BTNL8: variants seen among roughly 807,000 people sequenced by gnomAD.
The protein encoded by BTNL8 is butyrophilin like 8.
A neutral mutation model predicts 36.1 loss-of-function variants in BTNL8; 22 were observed. The observed-to-expected ratio is 0.61, with a 90% CI of 0.44 to 0.87. The LOEUF (loss-of-function observed/expected upper bound fraction) is 0.87, where lower values mean the gene tolerates loss of function less well. Ranked by LOEUF, BTNL8 falls within the 40% of genes least tolerant of loss-of-function variation. BTNL8 has a pLI of 0.00. For missense variants in BTNL8, 526 were observed against 616.9 expected, an observed-to-expected ratio of 0.85 and a Z score of 1.56; for synonymous variants, 203 against 235.6, an observed-to-expected ratio of 0.86 and a Z score of 1.27.
At chr5:180,901,868 C>A (rs552562435) in intron 1 of BTNL8, among the ~76,000 whole-genome samples, 3 of 152,172 alleles carry the variant, frequency 2.0e-5, no homozygotes, top group African/African-American at 7.2e-5. Flanking sequence ...ATAAGTCACA[C>A]GTGAACGTGC....
chr5:180,950,164 C>T lies in BTNL8; in HGVS notation c.1123C>T (p.His375Tyr). 1.4e-6 allele frequency: 2 copies of T among 1,462,916 alleles called. 1 individual carries two copies. The highest frequency in any genetic ancestry group is 1.9e-6 in the Non-Finnish European group (2 of 1,058,872). The allele number at this position is 1,462,916 out of a possible 1,614,324, so 90.6% of individuals were successfully genotyped here. A position where few individuals can be genotyped will look rare whatever the true frequency, so the allele number is the denominator to read the frequency against. The change falls in exon 8 of 8, where the codon CAT becomes TAT. Residue 375 changes from histidine (H) to tyrosine (Y), a missense_variant. By Grantham distance (83) the His-to-Tyr change is moderately conservative. Around this residue, in one of 2 missense-constraint regions of BTNL8, gnomAD observed 176 missense variants for 292.3 expected, o/e 0.60. Transcript: ENST00000340184. ...RKEYVTLSPD[H>Y]GYWVLRLNGE... Reference sequence around the variant, plus strand: ...GGAGTACGTGACTTTGTCTCCCGATCATGGGTACTGGGTCCTCAGACTGAA... The same window carrying T: ...GGAGTACGTGACTTTGTCTCCCGATTATGGGTACTGGGTCCTCAGACTGAA...
intron 3 of BTNL8, among the ~76,000 whole-genome samples, chr5:180,927,293 A>T (rs1183549802): frequency 6.6e-6 from 1 of 152,200 alleles, no homozygotes; most frequent in Non-Finnish European, 1.5e-5. Flanking sequence ...AACACAACAA[A>T]AAGGATGTCC....
At chr5:180,927,172 C>T (rs552367035) in intron 3 of BTNL8, among the ~76,000 whole-genome samples, 1 of 152,282 alleles carries the variant, frequency 6.6e-6, no homozygotes, top group Admixed American at 6.5e-5. Flanking sequence ...TGATGATACC[C>T]AAGCAAACAG....
At chr5:180,921,095 T>C (rs1020752663) in intron 3 of BTNL8, among the ~76,000 whole-genome samples, 6 of 152,130 alleles carry the variant, frequency 3.9e-5, no homozygotes, top group African/African-American at 1.2e-4. Flanking sequence ...TTAGAGCTAA[T>C]ACATTTAGTA....
rs1221544545 is a variant in BTNL8 at position 180,903,211 on chromosome 5, C to A, written c.49+3852C>A. On this transcript the variant is annotated intron_variant, in intron 1 of 7. Coordinates refer to ENST00000340184, the MANE Select transcript of BTNL8 (RefSeq NM_001040462.3). ...TTGTTTCCTGACTTTTTGATGATTG[C>A]CATTCTAACTGGTGTGAGATGGTAT... is the stretch of plus-strand genomic sequence containing the variant. Among the ~76,000 whole-genome samples, 15 of 120,818 alleles carry A rather than the reference C, an allele frequency of 1.2e-4. 3 individuals are homozygous for A. Among genetic ancestry groups the A allele is most frequent in the Non-Finnish European group, 2.1e-4 (13 of 60,758 alleles). 79.3% of individuals were successfully genotyped at this position (120,818 alleles called of 152,430 possible). A position where few individuals can be genotyped will look rare whatever the true frequency, so the allele number is the denominator to read the frequency against.
chr5:180,950,394 G>A lies in BTNL8; in HGVS notation c.1353G>A (p.Glu451=), dbSNP rs1198942043. The A allele has an allele frequency of 2.7e-6, 4 of 1,462,884 alleles. 1 individual carries two copies. Among genetic ancestry groups the A allele is most frequent in the Non-Finnish European group, 3.8e-6 (4 of 1,058,850 alleles). The allele number at this position is 1,462,884 out of a possible 1,614,324, so 90.6% of individuals were successfully genotyped here. ...RPYIEYPSYN[E]QNGTPIVICP... is the part of the protein sequence containing the mutation. ...ACATTGAGTATCCGTCCTATAATGA[G>A]CAAAATGGAACTCCCATAGTCATCT... Residue 451 remains glutamate (E), a synonymous_variant, in exon 8 of 8, where the codon GAG becomes GAA. Transcript: ENST00000340184.
chr5:180,943,882 C>CA (rs1471592645), intron 3 of BTNL8, among the ~76,000 whole-genome samples: 1 of 152,072 alleles, frequency 6.6e-6, no homozygotes, highest in Non-Finnish European at 1.5e-5. Context: ...GATGTATATA[C>CA]AAAATAGAAT....
At chr5:180,933,776 G>T (rs1447816304) in intron 3 of BTNL8, among the ~76,000 whole-genome samples, 2 of 152,022 alleles carry the variant, frequency 1.3e-5, no homozygotes, top group African/African-American at 4.8e-5. Context: ...ACAATAATAA[G>T]TAAGGAGACT....
chr5:180,928,712 A>C (rs1758222640), intron 3 of BTNL8, among the ~76,000 whole-genome samples: 4 of 152,236 alleles, frequency 2.6e-5, no homozygotes. Flanking sequence ...CAAAAGAGAC[A>C]AAGAAGGGCA....
intron 3 of BTNL8, among the ~76,000 whole-genome samples, chr5:180,926,214 T>A (rs538967784): frequency 6.6e-6 from 1 of 152,208 alleles, no homozygotes; most frequent in African/African-American, 2.4e-5. Context: ...ACCTGGGAAG[T>A]GCAAGGGGTT....
chr5:180,928,301 AC>A (rs1238717081), intron 3 of BTNL8, among the ~76,000 whole-genome samples: 1 of 152,206 alleles, frequency 6.6e-6, no homozygotes, highest in African/African-American at 2.4e-5. Flanking sequence ...TTTTGTCACC[AC>A]CAGACCTGCC....
At chr5:180,938,974 G>A (rs1362264811) in intron 3 of BTNL8, among the ~76,000 whole-genome samples, 2 of 152,132 alleles carry the variant, frequency 1.3e-5, no homozygotes, top group Non-Finnish European at 2.9e-5. Context: ...TCCTATGTCT[G>A]GAAGGGAAAG....
At chr5:180,941,257 A>G (rs1758936847) in intron 3 of BTNL8, among the ~76,000 whole-genome samples, 2 of 152,254 alleles carry the variant, frequency 1.3e-5, no homozygotes, top group African/African-American at 2.4e-5. Flanking sequence ...AGGAAAAACT[A>G]GAAAACCTAA....
At chr5:180,948,536 G>A in intron 5 of BTNL8, 161 bp downstream of exon 5, 1 of 1,597,760 alleles carries the variant, frequency 6.3e-7, no homozygotes, top group South Asian at 1.1e-5. Context: ...CTGCTCATGA[G>A]TTACCCCTCG....
intron 2 of BTNL8, among the ~76,000 whole-genome samples, chr5:180,910,249 G>GA (rs145852463): frequency 0.26 from 36,888 of 142,380 alleles, 4,846 homozygotes; most frequent in Admixed American, 0.32. Context: ...AAAGCAAAAA[G>GA]AAAAAAAAAA....
rs574524036 is a variant in BTNL8, at chr5:180,913,568, C to T, written c.673+1954C>T. Among the ~76,000 whole-genome samples the T allele has an allele frequency of 1.1e-4, 16 of 152,330 alleles. No homozygotes were observed. The South Asian group carries it at 2.5e-3, about 24-fold the overall frequency. On this transcript the variant is annotated intron_variant, in intron 3 of 7. Transcript: ENST00000340184. The stretch of plus-strand genomic sequence containing the variant: ...AGGGTGTAAGGTGGTGGTACAAGGA[C>T]GTAAGGTTGGCTCAAACCACATGTA...
intron 3 of BTNL8, among the ~76,000 whole-genome samples, chr5:180,932,732 A>G (rs1758456027): frequency 6.6e-6 from 1 of 152,216 alleles, no homozygotes; most frequent in East Asian, 1.9e-4. Context: ...ACTGTGAGAA[A>G]ACATCAAATT....
chr5:180,909,276 C>G (rs138352706), intron 2 of BTNL8, among the ~76,000 whole-genome samples: 1 of 152,210 alleles, frequency 6.6e-6, no homozygotes, highest in African/African-American at 2.4e-5. Context: ...AGCTTCACAC[C>G]GCAGGTGACC....
At chr5:180,922,534 G>A (rs185479869) in intron 3 of BTNL8, among the ~76,000 whole-genome samples, 35 of 140,636 alleles carry the variant, frequency 2.5e-4, no homozygotes, top group Non-Finnish European at 4.1e-4. Context: ...ATCTGTAATC[G>A]TATTGAGCTG....
Sources: gnomAD v4.1 joint callset for allele counts (sites outside exome capture counted in the v4.1 genomes callset) on GRCh38, gnomAD v4.1.1 for gene constraint, gnomAD v4.1.1 regional missense constraint, MANE v1.5 for transcripts, NCBI Gene and HGNC (gene_info 2026-07-23, HGNC 2026-07-21) for gene names.